The following ADGRB3 variants were observed in gnomAD, a reference collection of about 807,000 sequenced individuals.
The protein encoded by ADGRB3 is adhesion G protein-coupled receptor B3.
ADGRB3 carries 37 observed loss-of-function variants against 193.4 expected under a neutral mutation model. The observed-to-expected ratio is 0.19, with a 90% CI of 0.15 to 0.25. The LOEUF (loss-of-function observed/expected upper bound fraction) is 0.25, where lower values mean the gene tolerates loss of function less well. Among genes scored for constraint, ADGRB3 ranks in the 10% least tolerant of loss-of-function variants. The pLI is 1.00. For missense variants in ADGRB3, 1,637 were observed against 1,852.9 expected (o/e 0.88, Z 2.14); for synonymous variants, 690 against 644.2 (o/e 1.07, Z -1.08).
intron 3 of ADGRB3, among the ~76,000 whole-genome samples, chr6:68,867,515 C>T (rs1765329685): frequency 6.6e-6 from 1 of 152,298 alleles, no homozygotes; most frequent in South Asian, 2.1e-4. Flanking sequence ...GTTGGAGCCC[C>T]CACACAGAGT....
intron 20 of ADGRB3, among the ~76,000 whole-genome samples, chr6:69,324,336 C>T (rs888362453): frequency 1.3e-5 from 2 of 152,044 alleles, no homozygotes; most frequent in Non-Finnish European, 2.9e-5. Flanking sequence ...ATTAGCCAAA[C>T]CTCATTTTGT....
chr6:68,680,435 G>T (rs1001026529), intron 3 of ADGRB3, among the ~76,000 whole-genome samples: 1 of 152,180 alleles, frequency 6.6e-6, no homozygotes, highest in Admixed American at 6.6e-5. Context: ...AGGTTTTGAA[G>T]TGTGTGCTGA....
chr6:69,069,291 A>G (rs1406226806), intron 16 of ADGRB3, among the ~76,000 whole-genome samples: 1 of 152,014 alleles, frequency 6.6e-6, no homozygotes, highest in African/African-American at 2.4e-5. Flanking sequence ...AAGGGACTGT[A>G]GAACTGTTCA....
intron 3 of ADGRB3, among the ~76,000 whole-genome samples, chr6:68,660,326 C>T (rs1768597060): frequency 6.7e-6 from 1 of 148,776 alleles, no homozygotes; most frequent in African/African-American, 2.5e-5. Flanking sequence ...TTATGTATCA[C>T]TTCCTTTTTT....
At chr6:69,040,305 GTCTCTT>G (rs1224406126) in intron 13 of ADGRB3, among the ~76,000 whole-genome samples, 5 of 106,830 alleles carry the variant, frequency 4.7e-5, no homozygotes, top group African/African-American at 1.5e-4. Context: ...TCCTTTCTCT[GTCTCTT>G]TCTTTCTTTC....
intron 3 of ADGRB3, among the ~76,000 whole-genome samples, chr6:68,755,249 A>C (rs1190120460): frequency 6.6e-6 from 1 of 152,208 alleles, no homozygotes; most frequent in Non-Finnish European, 1.5e-5. Context: ...ACATGAAGGA[A>C]GGAGCTAGGC....
At chr6:69,316,616 A>G (rs1768318570) in intron 20 of ADGRB3, among the ~76,000 whole-genome samples, 1 of 151,530 alleles carries the variant, frequency 6.6e-6, no homozygotes, top group Admixed American at 6.6e-5. Flanking sequence ...TTGTAAGTGA[A>G]AATATTGAGG....
At chr6:69,367,549 G>A (rs1769601112) in intron 29 of ADGRB3, among the ~76,000 whole-genome samples, 1 of 151,880 alleles carries the variant, frequency 6.6e-6, no homozygotes, top group Non-Finnish European at 1.5e-5. Flanking sequence ...TTTAATGATT[G>A]CCATTCTAAC....
chr6:69,274,475 TCCTC>T lies in ADGRB3; in HGVS notation c.2814+35269_2814+35272del, dbSNP rs570087128. 8.3e-3 allele frequency among the ~76,000 whole-genome samples: 956 copies of T among 115,872 alleles called. 9 individuals are homozygous for T. The highest frequency in any genetic ancestry group is 0.015 in the African/African-American group (327 of 22,324). The allele number at this position is 115,872 out of a possible 152,430, so 76.0% of individuals were successfully genotyped here. On this transcript the variant is annotated intron_variant, in intron 20 of 31. Coordinates refer to ENST00000370598, the MANE Select transcript of ADGRB3 (RefSeq NM_001704.3). ...TTCCTTCCTTCCTTCCTTCCTTCCT[TCCTC>T]CCTCCCTCCCTCCCTCCCTTTCTTC...
At chr6:69,052,405 T>C (rs1418438280) in intron 15 of ADGRB3, among the ~76,000 whole-genome samples, 1 of 152,234 alleles carries the variant, frequency 6.6e-6, no homozygotes, top group African/African-American at 2.4e-5. Context: ...TTCAGTTATT[T>C]ACAAAGTTTT....
intron 14 of ADGRB3, among the ~76,000 whole-genome samples, chr6:69,048,686 A>G (rs552471600): frequency 5.9e-5 from 9 of 152,158 alleles, no homozygotes; most frequent in African/African-American, 2.2e-4. Context: ...TGTCATTTTT[A>G]TTTCTGCCTC....
chr6:68,982,422 A>G (rs1225091682), intron 10 of ADGRB3, among the ~76,000 whole-genome samples: 2 of 152,136 alleles, frequency 1.3e-5, no homozygotes, highest in African/African-American at 2.4e-5. Flanking sequence ...TAATAAGACT[A>G]TATCTGCTTA....
At chr6:69,196,493 C>T (rs1420639319) in intron 17 of ADGRB3, among the ~76,000 whole-genome samples, 1 of 152,076 alleles carries the variant, frequency 6.6e-6, no homozygotes, top group Non-Finnish European at 1.5e-5. Flanking sequence ...CAGATGGCTG[C>T]CTTCTTACTT....
chr6:68,729,272 C>T (rs531884081), intron 3 of ADGRB3, among the ~76,000 whole-genome samples: 4 of 151,552 alleles, frequency 2.6e-5, no homozygotes, highest in East Asian at 2.0e-4. Context: ...ATCTAGAAGT[C>T]GATACCAGAA....
chr6:68,771,813 C>A lies in ADGRB3; in HGVS notation c.757+132381C>A, dbSNP rs1766623594. On this transcript the variant is annotated intron_variant, in intron 3 of 31. Coordinates refer to ENST00000370598, the MANE Select transcript of ADGRB3 (RefSeq NM_001704.3). ...GTTTTCTGATCATCTTCTGTCTGACCTGCAAGGGGAAGGAAAGGTTGCAGA... is the reference window on the plus strand; with the variant it reads ...GTTTTCTGATCATCTTCTGTCTGACATGCAAGGGGAAGGAAAGGTTGCAGA... Among the ~76,000 whole-genome samples the A allele has an allele frequency of 2.6e-5, 4 of 152,044 alleles. No homozygotes were observed. The South Asian group carries it at 8.3e-4, about 31-fold the overall frequency.
chr6:69,302,802 C>T lies in ADGRB3; in HGVS notation c.2815-22070C>T, dbSNP rs576615172. 1.8e-4 allele frequency among the ~76,000 whole-genome samples: 28 copies of T among 152,078 alleles called. No homozygotes were observed. The East Asian group carries it at 4.1e-3, about 22-fold the overall frequency. On this transcript the variant is annotated intron_variant, in intron 20 of 31. Coordinates refer to ENST00000370598, the MANE Select transcript of ADGRB3 (RefSeq NM_001704.3). ...ACCATTAAGCTCTAAACAATAAACTCCTGCTGGAGAAAACTGTGTCCATAT... is the reference window on the plus strand; with the variant it reads ...ACCATTAAGCTCTAAACAATAAACTTCTGCTGGAGAAAACTGTGTCCATAT...
In ADGRB3 at chr6:69,233,271, C is replaced by T; in HGVS notation, c.2481-19C>T. On this transcript the variant is annotated intron_variant, in intron 17 of 31. Coordinates refer to ENST00000370598, the MANE Select transcript of ADGRB3 (RefSeq NM_001704.3). ...GGCGTATTTATCCCGATTTCCTCCC[C>T]CCTCACTCCCCTTTGCAGGAACGAG... The T allele has an allele frequency of 1.2e-6, 2 of 1,611,264 alleles. No individual in the cohort carries two copies. Among genetic ancestry groups the T allele is most frequent in the Non-Finnish European group, 1.7e-6 (2 of 1,178,874 alleles).
intron 3 of ADGRB3, among the ~76,000 whole-genome samples, chr6:68,644,056 C>T (rs377644972): frequency 6.6e-6 from 1 of 151,030 alleles, no homozygotes; most frequent in Non-Finnish European, 1.5e-5. Flanking sequence ...ATCCAGCACA[C>T]TCTGAACATG....
intron 21 of ADGRB3, among the ~76,000 whole-genome samples, chr6:69,326,459 C>A (rs1032841819): frequency 2.0e-5 from 3 of 152,070 alleles, no homozygotes; most frequent in African/African-American, 7.2e-5. Context: ...TTAGTGACTA[C>A]CTTGTTTAAA....
Sources: allele counts gnomAD v4.1 joint callset (sites outside exome capture counted in the v4.1 genomes callset), GRCh38; gene constraint gnomAD v4.1.1; transcripts MANE v1.5; gene names NCBI Gene and HGNC (gene_info 2026-07-23, HGNC 2026-07-21).